Variants in APPBP2 observed in about 807,000 individuals in gnomAD.
The protein encoded by APPBP2 is amyloid beta precursor protein binding protein 2.
APPBP2 carries 15 observed loss-of-function variants against 76.0 expected under a neutral mutation model. The observed-to-expected ratio is 0.20, with a 90% CI of 0.13 to 0.30. The LOEUF (loss-of-function observed/expected upper bound fraction) is 0.30, where lower values mean the gene tolerates loss of function less well. APPBP2 is among the 10% of genes least tolerant of loss of function. APPBP2 has a pLI of 1.00. For synonymous variants in APPBP2, 222 were observed against 242.2 expected (o/e 0.92, Z 0.77); for missense variants, 401 against 687.2 (o/e 0.58, Z 4.66).
intron 3 of APPBP2, among the ~76,000 whole-genome samples, chr17:60,481,207 G>C (rs1207359958): frequency 6.6e-6 from 1 of 152,108 alleles, no homozygotes; most frequent in Non-Finnish European, 1.5e-5. Context: ...CCAAGCCATA[G>C]GTATGGTAGC....
Position 60,518,346 on chromosome 17 carries a change from CGTGTGTGCGTGCGTGT to C in APPBP2, c.138+7432_138+7447del, listed in dbSNP as rs1184712095. 7.0e-3 allele frequency among the ~76,000 whole-genome samples: 899 copies of C among 128,358 alleles called. 99 individuals are homozygous for C. The highest frequency in any genetic ancestry group is 0.033 in the African/African-American group (821 of 25,204). 84.2% of individuals were successfully genotyped at this position (128,358 alleles called of 152,430 possible). ...ACAGGCATGAGCTACCATGCCCAGCCGTGTGTGCGTGCGTGTGTGTGTGTGTGTGTGTGTGTGTGTG... is the reference window on the plus strand; with the variant it reads ...ACAGGCATGAGCTACCATGCCCAGCCGTGTGTGTGTGTGTGTGTGTGTGTG... On this transcript the variant is annotated intron_variant, in intron 1 of 12. Transcript: ENST00000083182.
chr17:60,477,935 T>C (rs1359541159), intron 4 of APPBP2, among the ~76,000 whole-genome samples: 5 of 151,444 alleles, frequency 3.3e-5, no homozygotes, highest in African/African-American at 9.7e-5. Context: ...AGCCCAGGAG[T>C]TGGAGACCAG....
In APPBP2 at chr17:60,447,062, AACG is replaced by A. The variant is rs1379767889; in HGVS notation, c.*516_*518del. 1 of 153,030 alleles carries A rather than the reference AACG, an allele frequency of 6.5e-6. No individual in the cohort carries two copies. Among genetic ancestry groups the A allele is most frequent in the African/African-American group, 2.4e-5 (1 of 41,460 alleles). The allele number at this position is 153,030 out of a possible 1,614,324, so 9.5% of individuals were successfully genotyped here. On this transcript the variant is annotated 3_prime_UTR_variant, in exon 13 of 13. Coordinates refer to ENST00000083182, the MANE Select transcript of APPBP2 (RefSeq NM_006380.5). ...TCCACTTATCTGGGCAAGGTAGAAA[AACG>A]TAAGTCGGGATGTCCCTCTTTTATT... is the stretch of plus-strand genomic sequence containing the variant.
intron 12 of APPBP2, among the ~76,000 whole-genome samples, chr17:60,448,813 G>T (rs1211906988): frequency 1.3e-5 from 2 of 152,184 alleles, no homozygotes; most frequent in African/African-American, 4.8e-5. Flanking sequence ...AGAAACTAAT[G>T]AGACTGGTTA....
At chr17:60,487,311 C>T (rs1381746599) in intron 3 of APPBP2, among the ~76,000 whole-genome samples, 1 of 152,148 alleles carries the variant, frequency 6.6e-6, no homozygotes, top group African/African-American at 2.4e-5. Context: ...TCCATTCTCC[C>T]CGTCACTTTC....
At chr17:60,449,866 G>A (rs984846806) in intron 12 of APPBP2, among the ~76,000 whole-genome samples, 8 of 151,846 alleles carry the variant, frequency 5.3e-5, no homozygotes, top group Non-Finnish European at 1.2e-4. Flanking sequence ...GTGCAATCTC[G>A]GCTCACTGCA....
Position 60,446,237 on chromosome 17 carries a change from A to G in APPBP2, c.*1344T>C, listed in dbSNP as rs922644398. The G allele has an allele frequency of 6.6e-6, 1 of 152,654 alleles. No individual in the cohort carries two copies. Among genetic ancestry groups the G allele is most frequent in the Non-Finnish European group, 1.5e-5 (1 of 68,036 alleles). The allele number at this position is 152,654 out of a possible 1,614,324, so 9.5% of individuals were successfully genotyped here. ...CTACAGTAAGAATTGAGGTAACAGC[A>G]AAATACCTTTTTGTTTCTTGAATTG... On this transcript the variant is annotated 3_prime_UTR_variant, in exon 13 of 13. Transcript: ENST00000083182.
intron 3 of APPBP2, among the ~76,000 whole-genome samples, chr17:60,487,572 T>C (rs1437644528): frequency 6.6e-6 from 1 of 152,182 alleles, no homozygotes; most frequent in East Asian, 1.9e-4. Flanking sequence ...CTCTACACTG[T>C]TTATTCTAGT....
intron 1 of APPBP2, among the ~76,000 whole-genome samples, chr17:60,518,068 CTT>C (rs67907414): frequency 0.077 from 9,380 of 122,240 alleles, 952 homozygotes; most frequent in African/African-American, 0.24. Context: ...TTACAATTTC[CTT>C]TTTTTTTTTT....
At chr17:60,454,601 T>C (rs1397880983) in intron 10 of APPBP2, 109 bp from the exon 11 acceptor site, 2 of 688,552 alleles carry the variant, frequency 2.9e-6, no homozygotes, top group East Asian at 3.1e-5. Context: ...TATATTTATA[T>C]GTGATTATGG....
chr17:60,518,959 AC>A (rs1488114484), intron 1 of APPBP2, among the ~76,000 whole-genome samples: 18 of 152,220 alleles, frequency 1.2e-4, no homozygotes, highest in African/African-American at 3.9e-4. Context: ...TTTTTACATT[AC>A]CTTTTTCCCC....
At chr17:60,508,582 T>C (rs959966660) in intron 1 of APPBP2, among the ~76,000 whole-genome samples, 1 of 152,126 alleles carries the variant, frequency 6.6e-6, no homozygotes, top group African/African-American at 2.4e-5. Context: ...TGAGGCAGCA[T>C]ATCCTGTAAG....
At position 60,501,520 on chromosome 17, in the gene APPBP2, C is replaced by T. The variant is rs146572133; in HGVS notation, c.139-1033G>A. On this transcript the variant is annotated intron_variant, in intron 1 of 12. Coordinates refer to ENST00000083182, the MANE Select transcript of APPBP2 (RefSeq NM_006380.5). ...CAAGCAATCCTCCCACCTCAGCATCCCTAGTAGCTAGGATTACAGGCATGC... is the reference window on the plus strand; with the variant it reads ...CAAGCAATCCTCCCACCTCAGCATCTCTAGTAGCTAGGATTACAGGCATGC... Among the ~76,000 whole-genome samples, 10 of 152,168 alleles carry T rather than the reference C, an allele frequency of 6.6e-5. No homozygotes were observed. In the East Asian group the frequency reaches 1.5e-3, roughly 24 times the overall value.
chr17:60,448,246 TAGCCTGGCCAACATGGTGAA>T (rs1260458390), intron 12 of APPBP2, among the ~76,000 whole-genome samples: 1 of 151,968 alleles, frequency 6.6e-6, no homozygotes. Context: ...AGTTTGGGAC[TAGCCTGGCCAACATGGTGAA>T]AGCCTGGCCA....
At chr17:60,454,848 A>T (rs1385381966) in intron 10 of APPBP2, among the ~76,000 whole-genome samples, 1 of 152,226 alleles carries the variant, frequency 6.6e-6, no homozygotes, top group African/African-American at 2.4e-5. Flanking sequence ...TGTGTCAAGG[A>T]GTACCTAAGC....
chr17:60,452,013 C>A lies in APPBP2; in HGVS notation c.1371G>T (p.Gln457His), dbSNP rs1416487529. ...CTTGACCAAGAAGTTGTTCTTTAAT[C>A]TGAATTGCTTTGATGTGCATTTCTT... ...EAEEMHIKAIQIKEQLLGQED... is the reference protein window; with the variant it reads ...EAEEMHIKAIHIKEQLLGQED... The change falls in exon 12 of 13, where the codon CAG becomes CAT. Residue 457 changes from glutamine to histidine, a missense_variant. This residue lies in a region of APPBP2 where 130 missense variants were observed against 322.7 expected (regional missense o/e 0.40). Coordinates refer to ENST00000083182, the MANE Select transcript of APPBP2 (RefSeq NM_006380.5). 6.2e-7 allele frequency: 1 copy of A among 1,613,516 alleles called. No individual in the cohort carries two copies. The highest frequency in any genetic ancestry group is 1.7e-5 in the Admixed American group (1 of 59,820).
intron 8 of APPBP2, 119 bp downstream of exon 8, chr17:60,461,691 T>C (rs2090476891): frequency 1.5e-6 from 1 of 672,318 alleles, no homozygotes; most frequent in South Asian, 2.0e-5. Flanking sequence ...ATGCAACCTA[T>C]ATTGGTGGGC....
intron 4 of APPBP2, among the ~76,000 whole-genome samples, chr17:60,478,015 A>T (rs1182352475): frequency 6.6e-6 from 1 of 151,922 alleles, no homozygotes. Flanking sequence ...AAAAAACCCA[A>T]AACAAAAATA....
chr17:60,482,880 G>A (rs763394743), intron 3 of APPBP2, among the ~76,000 whole-genome samples: 19 of 152,118 alleles, frequency 1.2e-4, no homozygotes, highest in Non-Finnish European at 1.9e-4. Context: ...GTGAAGTGCC[G>A]TAATAAACAT....
Sources: gnomAD v4.1 joint callset for allele counts (sites outside exome capture counted in the v4.1 genomes callset) on GRCh38, gnomAD v4.1.1 for gene constraint, gnomAD v4.1.1 regional missense constraint, MANE v1.5 for transcripts, NCBI Gene and HGNC (gene_info 2026-07-23, HGNC 2026-07-21) for gene names.